PAM: variants seen among roughly 807,000 people sequenced by gnomAD.
PAM encodes peptidylglycine alpha-amidating monooxygenase, also known as peptidyl-glycine alpha-amidating monooxygenase.
Under a neutral mutation model 122.1 loss-of-function variants are expected in PAM, and 72 were observed. The ratio of observed to expected loss-of-function variants is 0.59; its 90% CI spans 0.49 to 0.72. The LOEUF is 0.72. Among genes scored for constraint, PAM ranks in the 30% least tolerant of loss-of-function variants. The probability of loss-of-function intolerance (pLI) is 0.00; values close to 1 mark genes in which losing one functional copy is unlikely to be tolerated. For synonymous variants in PAM, 389 were observed against 404.4 expected (o/e 0.96, Z 0.46); for missense variants, 1,106 against 1,183.7 (o/e 0.93, Z 0.96).
At chr5:102,859,941 T>TACCA (rs2150858019) in intron 1 of PAM, among the ~76,000 whole-genome samples, 1 of 152,306 alleles carries the variant, frequency 6.6e-6, no homozygotes, top group East Asian at 1.9e-4. Flanking sequence ...TCATAGGCTA[T>TACCA]ACCATCTAGG....
chr5:102,787,454 T>C (rs1760837611), intron 1 of PAM, among the ~76,000 whole-genome samples: 1 of 151,972 alleles, frequency 6.6e-6, no homozygotes, highest in Non-Finnish European at 1.5e-5. Context: ...GGGACAAAAC[T>C]GCCTCCTTTA....
intron 1 of PAM, among the ~76,000 whole-genome samples, chr5:102,849,407 A>C (rs1780785959): frequency 6.6e-6 from 1 of 152,030 alleles, no homozygotes; most frequent in South Asian, 2.1e-4. Flanking sequence ...AAATACAAAA[A>C]ATTAGCTGGG....
At chr5:102,827,388 G>T (rs921693079) in intron 1 of PAM, among the ~76,000 whole-genome samples, 37 of 152,082 alleles carry the variant, frequency 2.4e-4, no homozygotes, top group Admixed American at 1.4e-3. Flanking sequence ...TTCAACCCAT[G>T]TAGGTATGCT....
intron 21 of PAM, among the ~76,000 whole-genome samples, chr5:103,015,408 T>C (rs1395793777): frequency 2.6e-5 from 4 of 152,168 alleles, no homozygotes; most frequent in East Asian, 1.9e-4. Flanking sequence ...CTGGTGAAGA[T>C]ATTATCATGC....
intron 3 of PAM, among the ~76,000 whole-genome samples, chr5:102,885,173 C>G (rs1792632435): frequency 6.6e-6 from 1 of 151,206 alleles, no homozygotes; most frequent in East Asian, 2.0e-4. Flanking sequence ...CTAACAAAAA[C>G]TGCCATCAAA....
chr5:102,862,644 G>A (rs372844346), intron 1 of PAM, among the ~76,000 whole-genome samples: 2 of 152,080 alleles, frequency 1.3e-5, no homozygotes, highest in East Asian at 3.9e-4. Context: ...CAGAGTCTCA[G>A]GCATTCAATA....
intron 1 of PAM, among the ~76,000 whole-genome samples, chr5:102,805,064 CTTT>C (rs527963126): frequency 2.9e-5 from 3 of 103,772 alleles, no homozygotes; most frequent in African/African-American, 1.1e-4. Context: ...GGGAATTTTC[CTTT>C]TTTTTTTTTT....
intron 19 of PAM, among the ~76,000 whole-genome samples, 154 bp downstream of exon 19, chr5:103,007,165 T>TCACA (rs113747381): frequency 1.2e-3 from 162 of 140,826 alleles, no homozygotes; most frequent in Admixed American, 5.0e-3. Context: ...AGCTTGTCTC[T>TCACA]CACACACACA....
At chr5:102,893,449 A>T (rs1423465911) in intron 3 of PAM, among the ~76,000 whole-genome samples, 2 of 151,784 alleles carry the variant, frequency 1.3e-5, no homozygotes, top group African/African-American at 4.8e-5. Flanking sequence ...ATGTGAATAC[A>T]TTCAAAATAC....
intron 17 of PAM, among the ~76,000 whole-genome samples, chr5:103,003,626 A>G (rs1248258530): frequency 6.6e-6 from 1 of 152,142 alleles, no homozygotes; most frequent in African/African-American, 2.4e-5. Flanking sequence ...TTCTGTATAG[A>G]GTGGGGCTAA....
At chr5:103,003,299 A>G in intron 17 of PAM, 150 bp downstream of exon 17, 1 of 528,296 alleles carries the variant, frequency 1.9e-6, no homozygotes, top group African/African-American at 1.9e-5. Context: ...TTTTCTACAT[A>G]GGTGTTTCTA....
intron 1 of PAM, among the ~76,000 whole-genome samples, chr5:102,791,752 T>A (rs1762124215): frequency 6.6e-6 from 1 of 152,160 alleles, no homozygotes. Flanking sequence ...AATTCCCTTC[T>A]TTCAACCCTG....
chr5:103,023,933 T>C (rs1044376786), intron 23 of PAM, among the ~76,000 whole-genome samples: 1 of 152,158 alleles, frequency 6.6e-6, no homozygotes, highest in Admixed American at 6.6e-5. Context: ...GCATCTTAAA[T>C]GATTTGGGAA....
chr5:102,932,718 A>G (rs1373192740), intron 7 of PAM, among the ~76,000 whole-genome samples: 2 of 151,794 alleles, frequency 1.3e-5, no homozygotes, highest in Admixed American at 6.6e-5. Context: ...ATTAGATGGT[A>G]CATGTTAAAT....
At chr5:102,878,858 TAA>T (rs1259696180) in intron 3 of PAM, among the ~76,000 whole-genome samples, 1 of 152,156 alleles carries the variant, frequency 6.6e-6, no homozygotes, top group Non-Finnish European at 1.5e-5. Context: ...TAAAAATTAA[TAA>T]GTTTATAAAG....
intron 5 of PAM, among the ~76,000 whole-genome samples, chr5:102,916,626 TTATATA>T (rs10550198): frequency 1.4e-5 from 2 of 143,952 alleles, no homozygotes; most frequent in African/African-American, 5.0e-5. Context: ...TCAGGCCTTT[TTATATA>T]TATATATATA....
At chr5:102,906,274 C>T (rs534046536) in intron 4 of PAM, among the ~76,000 whole-genome samples, 19 of 151,698 alleles carry the variant, frequency 1.3e-4, no homozygotes, top group Admixed American at 9.2e-4. Flanking sequence ...CCTTCATTCC[C>T]CCAACCTACC....
intron 16 of PAM, among the ~76,000 whole-genome samples, chr5:102,993,692 C>A (rs912268477): frequency 2.6e-5 from 4 of 152,050 alleles, no homozygotes; most frequent in Non-Finnish European, 4.4e-5. Flanking sequence ...TCATCAGGAT[C>A]TGTTTTACAG....
intron 1 of PAM, among the ~76,000 whole-genome samples, chr5:102,757,915 G>A (rs1242412550): frequency 6.6e-6 from 1 of 151,170 alleles, no homozygotes; most frequent in African/African-American, 2.4e-5. Context: ...GGTGGTGCAC[G>A]CCGGTAGTCC....
Sources: gnomAD v4.1 joint callset for allele counts (sites outside exome capture counted in the v4.1 genomes callset) on GRCh38, gnomAD v4.1.1 for gene constraint, MANE v1.5 for transcripts, NCBI Gene and HGNC (gene_info 2026-07-23, HGNC 2026-07-21) for gene names.